Variants in KCTD8 observed in about 807,000 individuals in gnomAD.
KCTD8 encodes the protein potassium channel tetramerization domain containing 8.
In KCTD8, 27 loss-of-function variants were observed where a neutral mutation model predicts 31.5. The observed-to-expected ratio is 0.86, with a 90% CI of 0.63 to 1.18. The LOEUF is 1.18. Ranked by LOEUF, KCTD8 falls within the 50% of genes most tolerant of loss-of-function variation. The pLI is 0.00. For missense variants in KCTD8, 658 were observed against 647.7 expected, an observed-to-expected ratio of 1.02 and a Z score of -0.17; for synonymous variants, 290 against 280.0, an observed-to-expected ratio of 1.04 and a Z score of -0.36.
At chr4:44,377,396 A>AC (rs1392306424) in intron 1 of KCTD8, among the ~76,000 whole-genome samples, 28 of 152,130 alleles carry the variant, frequency 1.8e-4, no homozygotes, top group Admixed American at 1.3e-3. Flanking sequence ...CAAAGAGTCT[A>AC]CTCATGGAAG....
intron 1 of KCTD8, among the ~76,000 whole-genome samples, chr4:44,334,014 C>G (rs1017134372): frequency 1.3e-5 from 2 of 152,022 alleles, no homozygotes; most frequent in Non-Finnish European, 2.9e-5. Context: ...GGAGAAATCA[C>G]TACCCATTTA....
intron 1 of KCTD8, among the ~76,000 whole-genome samples, chr4:44,378,931 C>T (rs1243083646): frequency 6.6e-6 from 1 of 152,050 alleles, no homozygotes; most frequent in Non-Finnish European, 1.5e-5. Flanking sequence ...AATCTGTTTC[C>T]TTTTCTTTGC....
chr4:44,409,237 GAGGAAAGAA>G (rs1720895230), intron 1 of KCTD8, among the ~76,000 whole-genome samples: 2 of 148,866 alleles, frequency 1.3e-5, no homozygotes, highest in Middle Eastern at 3.5e-3. Flanking sequence ...AAAAAAAAAA[GAGGAAAGAA>G]AGGGAAGAAA....
intron 1 of KCTD8, among the ~76,000 whole-genome samples, chr4:44,441,084 T>C (rs1041752590): frequency 1.3e-5 from 2 of 152,212 alleles, no homozygotes; most frequent in African/African-American, 4.8e-5. Flanking sequence ...ATATGGCTGA[T>C]AGGCAGATGA....
chr4:44,340,906 G>A (rs948477139), intron 1 of KCTD8, among the ~76,000 whole-genome samples: 1 of 151,792 alleles, frequency 6.6e-6, no homozygotes, highest in African/African-American at 2.4e-5. Context: ...TCTACATTGT[G>A]ATAGGATTGT....
intron 1 of KCTD8, among the ~76,000 whole-genome samples, chr4:44,259,105 A>G (rs1203883535): frequency 6.6e-6 from 1 of 151,908 alleles, no homozygotes; most frequent in Non-Finnish European, 1.5e-5. Context: ...CCTTTTAAAA[A>G]TTCCCAAATG....
At chr4:44,291,610 A>C (rs1438816271) in intron 1 of KCTD8, among the ~76,000 whole-genome samples, 1 of 152,108 alleles carries the variant, frequency 6.6e-6, no homozygotes, top group Non-Finnish European at 1.5e-5. Flanking sequence ...AACAAAAACA[A>C]AAATTGACAA....
chr4:44,199,146 C>T (rs555404491), intron 1 of KCTD8, among the ~76,000 whole-genome samples: 74 of 152,132 alleles, frequency 4.9e-4, no homozygotes, highest in African/African-American at 1.8e-3. Context: ...CCCAGATTCA[C>T]AAAACAAGTT....
chr4:44,260,855 G>T lies in KCTD8; in HGVS notation c.962-85605C>A, dbSNP rs558644576. ...AAGTTAAGAGCAAGGGAGTGGTATG[G>T]TATGAGTTTGGTTCTTAAAAATATT... On this transcript the variant is annotated intron_variant, in intron 1 of 1. Coordinates refer to ENST00000360029, the MANE Select transcript of KCTD8 (RefSeq NM_198353.3). Among the ~76,000 whole-genome samples the T allele has an allele frequency of 2.0e-5, 3 of 152,042 alleles. No homozygotes were observed. In the South Asian group the frequency reaches 6.2e-4, roughly 32 times the overall value.
At chr4:44,417,313 GA>G (rs1374613031) in intron 1 of KCTD8, among the ~76,000 whole-genome samples, 3 of 151,938 alleles carry the variant, frequency 2.0e-5, no homozygotes, top group Non-Finnish European at 4.4e-5. Context: ...ACATAAATTA[GA>G]AAAAAAGCTT....
chr4:44,258,443 T>C (rs557183866), intron 1 of KCTD8, among the ~76,000 whole-genome samples: 1 of 152,050 alleles, frequency 6.6e-6, no homozygotes, highest in African/African-American at 2.4e-5. Flanking sequence ...AACTAATTCA[T>C]GTATCTGGGG....
intron 1 of KCTD8, among the ~76,000 whole-genome samples, chr4:44,338,266 AT>A (rs1718807842): frequency 6.6e-6 from 1 of 152,158 alleles, no homozygotes; most frequent in Non-Finnish European, 1.5e-5. Context: ...CATAAAAGTT[AT>A]TTTTCAAATT....
At chr4:44,283,323 T>A (rs1407076304) in intron 1 of KCTD8, among the ~76,000 whole-genome samples, 1 of 152,084 alleles carries the variant, frequency 6.6e-6, no homozygotes, top group Non-Finnish European at 1.5e-5. Flanking sequence ...GTGCTTGGAT[T>A]ACAAGCATGA....
At chr4:44,328,200 A>C (rs1718498662) in intron 1 of KCTD8, among the ~76,000 whole-genome samples, 1 of 151,998 alleles carries the variant, frequency 6.6e-6, no homozygotes, top group Non-Finnish European at 1.5e-5. Flanking sequence ...CTGTGTACTT[A>C]AATATATGTA....
intron 1 of KCTD8, among the ~76,000 whole-genome samples, chr4:44,373,723 A>G (rs376870838): frequency 2.0e-5 from 3 of 152,164 alleles, no homozygotes; most frequent in Admixed American, 2.0e-4. Flanking sequence ...CATCATTAAC[A>G]GATTGTTTTT....
intron 1 of KCTD8, among the ~76,000 whole-genome samples, chr4:44,179,371 A>G (rs955500071): frequency 1.3e-5 from 2 of 151,604 alleles, no homozygotes; most frequent in African/African-American, 4.8e-5. Context: ...GACTTCAAGA[A>G]CTATGAAGAA....
chr4:44,283,414 G>A (rs1278711379), intron 1 of KCTD8, among the ~76,000 whole-genome samples: 1 of 152,054 alleles, frequency 6.6e-6, no homozygotes, highest in African/African-American at 2.4e-5. Flanking sequence ...AGCTAGAGAG[G>A]TGAAGTCAAT....
Position 44,439,900 on chromosome 4 carries a change from T to TTTTATTTA in KCTD8, c.961+7655_961+7662dup, listed in dbSNP as rs59211244. Among the ~76,000 whole-genome samples, 1,021 of 133,388 alleles carry TTTTATTTA rather than the reference T, an allele frequency of 7.7e-3. 9 individuals carry two copies. Among genetic ancestry groups the TTTTATTTA allele is most frequent in the Middle Eastern group, 0.012 (3 of 248 alleles). The allele number at this position is 133,388 out of a possible 152,430, so 87.5% of individuals were successfully genotyped here. A position where few individuals can be genotyped will look rare whatever the true frequency, so the allele number is the denominator to read the frequency against. ...AACTTCTAGTCCACCAATCATTTAT[T>TTTTATTTA]TTTATTTATTTATTTATTTATTTAT... On this transcript the variant is annotated intron_variant, in intron 1 of 1. Transcript: ENST00000360029.
intron 1 of KCTD8, among the ~76,000 whole-genome samples, chr4:44,277,396 C>G (rs949932007): frequency 6.6e-6 from 1 of 151,742 alleles, no homozygotes; most frequent in African/African-American, 2.4e-5. Context: ...GATCCGCTTT[C>G]AGGAGTATTT....
Sources: gnomAD v4.1 joint callset for allele counts (sites outside exome capture counted in the v4.1 genomes callset) on GRCh38, gnomAD v4.1.1 for gene constraint, MANE v1.5 for transcripts, NCBI Gene and HGNC (gene_info 2026-07-23, HGNC 2026-07-21) for gene names.